DPP6: variants seen among roughly 807,000 people sequenced by gnomAD.
DPP6 encodes the protein A-type potassium channel modulatory protein DPP6.
Under a neutral mutation model 122.6 loss-of-function variants are expected in DPP6, and 69 were observed. That is an observed-to-expected ratio of 0.56 (90% CI 0.46 to 0.69). The LOEUF is 0.69. Ranked by LOEUF, DPP6 falls within the 30% of genes least tolerant of loss-of-function variation. The pLI, the probability that DPP6 is intolerant of heterozygous loss-of-function variation, is 0.00. For missense variants in DPP6, 928 were observed against 1,116.9 expected (o/e 0.83, Z 2.41); for synonymous variants, 418 against 433.1 (o/e 0.97, Z 0.43).
At chr7:154,577,954 A>G (rs1211459937) in intron 5 of DPP6, among the ~76,000 whole-genome samples, 1 of 152,180 alleles carries the variant, frequency 6.6e-6, no homozygotes, top group Non-Finnish European at 1.5e-5. Flanking sequence ...AACTACGACA[A>G]ACTGTACAGA....
chr7:154,129,361 A>G (rs1396616221), intron 1 of DPP6, among the ~76,000 whole-genome samples: 1 of 152,162 alleles, frequency 6.6e-6, no homozygotes, highest in African/African-American at 2.4e-5. Flanking sequence ...TTCATATCAA[A>G]ACTGTGGACC....
At chr7:154,783,001 C>G (rs1431814314) in intron 10 of DPP6, among the ~76,000 whole-genome samples, 1 of 152,088 alleles carries the variant, frequency 6.6e-6, no homozygotes, top group Non-Finnish European at 1.5e-5. Flanking sequence ...CCAGGCTGGT[C>G]TCGAACTCCC....
In DPP6 at chr7:154,060,351, G is replaced by T. The variant is rs1200556124; in HGVS notation, c.243+7288G>T. Among the ~76,000 whole-genome samples, 36 of 128,164 alleles carry T rather than the reference G, an allele frequency of 2.8e-4. 1 individual carries two copies. Among genetic ancestry groups the T allele is most frequent in the South Asian group, 1.5e-3 (6 of 3,974 alleles). The allele number at this position is 128,164 out of a possible 152,430, so 84.1% of individuals were successfully genotyped here. The stretch of plus-strand genomic sequence containing the variant: ...AGGAGGGGGAGGCACCCCCCGCGAG[G>T]CAGGGACTGAGAGCCAGCCCCTGGT... On this transcript the variant is annotated intron_variant, in intron 1 of 25. Transcript: ENST00000377770.
chr7:153,894,416 A>T (rs1177662046), intron 1 of DPP6, among the ~76,000 whole-genome samples: 1 of 152,282 alleles, frequency 6.6e-6, no homozygotes, highest in Admixed American at 6.5e-5. Flanking sequence ...CTAAGCTCAG[A>T]ACAGACAGGC....
intron 6 of DPP6, among the ~76,000 whole-genome samples, chr7:154,651,194 C>T (rs563852343): frequency 6.6e-6 from 1 of 152,032 alleles, no homozygotes; most frequent in Non-Finnish European, 1.5e-5. Flanking sequence ...TAGCACTGCA[C>T]TAGGTACTGT....
At chr7:154,060,064 C>A (rs1178620821) in intron 1 of DPP6, among the ~76,000 whole-genome samples, 2 of 150,424 alleles carry the variant, frequency 1.3e-5, no homozygotes, top group African/African-American at 2.4e-5. Context: ...CCCTCTTCCC[C>A]CCCTGGCTCT....
chr7:154,670,599 T>C (rs1057127351), intron 7 of DPP6, among the ~76,000 whole-genome samples: 4 of 152,234 alleles, frequency 2.6e-5, no homozygotes, highest in Admixed American at 2.0e-4. Flanking sequence ...TCCCTCAGGT[T>C]TGAAGGTCAG....
intron 5 of DPP6, among the ~76,000 whole-genome samples, chr7:154,589,240 C>G (rs1832661092): frequency 6.6e-6 from 1 of 152,104 alleles, no homozygotes; most frequent in Non-Finnish European, 1.5e-5. Context: ...CTTTGGTTCA[C>G]AGTAACAGAG....
At position 154,842,880 on chromosome 7, in the gene DPP6, G is replaced by A. The variant is rs1584869180; in HGVS notation, c.1667-10900G>A. Among the ~76,000 whole-genome samples the A allele has an allele frequency of 2.0e-5, 3 of 152,202 alleles. No homozygotes were observed. The East Asian group carries it at 5.8e-4, about 29-fold the overall frequency. On this transcript the variant is annotated intron_variant, in intron 16 of 25. Coordinates refer to ENST00000377770, the MANE Select transcript of DPP6 (RefSeq NM_130797.4). Reference sequence around the variant, plus strand: ...TGTATATTTCAGTTTGAACATCAGGGCTGTTGTTGCATGCTCCAAGGCTGC... The same window carrying A: ...TGTATATTTCAGTTTGAACATCAGGACTGTTGTTGCATGCTCCAAGGCTGC...
At chr7:154,443,235 T>A (rs934026140) in intron 1 of DPP6, among the ~76,000 whole-genome samples, 1 of 152,290 alleles carries the variant, frequency 6.6e-6, no homozygotes, top group Non-Finnish European at 1.5e-5. Flanking sequence ...TTGCTAGAGA[T>A]CTCTCTGATG....
rs559792643 is a variant in DPP6 at position 154,727,808 on chromosome 7, C to T, written c.804C>T (p.Val268=). 73 of 1,613,718 alleles carry T rather than the reference C, an allele frequency of 4.5e-5. No individual in the cohort carries two copies. Among genetic ancestry groups the T allele is most frequent in the African/African-American group, 2.9e-4 (22 of 74,990 alleles). Reference sequence around the variant, plus strand: ...ACAATATCTACTACTGTGCACATGTCGGGAAACAGGCCATCCGTGTGGTCT... The same window carrying T: ...ACAATATCTACTACTGTGCACATGTTGGGAAACAGGCCATCCGTGTGGTCT... The part of the protein sequence containing the change: ...FENNIYYCAH[V]GKQAIRVVST... The change falls in exon 8 of 26, where the codon GTC becomes GTT. Residue 268 remains valine, a synonymous_variant. Transcript: ENST00000377770.
At chr7:154,802,333 G>A (rs372674094) in intron 13 of DPP6, among the ~76,000 whole-genome samples, 1 of 151,040 alleles carries the variant, frequency 6.6e-6, no homozygotes, top group East Asian at 2.0e-4. Flanking sequence ...GAGCAGCTCT[G>A]ATGGAATCAG....
Position 154,618,503 on chromosome 7 carries a change from G to A in DPP6, c.628-19318G>A, listed in dbSNP as rs1262452738. On this transcript the variant is annotated intron_variant, in intron 5 of 25. Coordinates refer to ENST00000377770, the MANE Select transcript of DPP6 (RefSeq NM_130797.4). This position sits in a 1 kb window ranked among gnomAD's most constrained non-coding sequence, Gnocchi z 4.1. ...AAGATCAAAATCAGGGTGCAGGTAG[G>A]AGCCTTAGACAATTTCTAGTTTGAC... is the stretch of plus-strand genomic sequence containing the variant. 6.6e-6 allele frequency among the ~76,000 whole-genome samples: 1 copy of A among 152,108 alleles called. No individual in the cohort carries two copies. Among genetic ancestry groups the A allele is most frequent in the Non-Finnish European group, 1.5e-5 (1 of 68,022 alleles).
chr7:154,416,696 A>G (rs1002397683), intron 1 of DPP6, among the ~76,000 whole-genome samples: 7 of 32,184 alleles, frequency 2.2e-4, no homozygotes, highest in South Asian at 2.7e-3. Context: ...CAGGGGAGCA[A>G]TTGTAATTCT....
At chr7:153,840,320 A>C in the DPP6 span, among the ~76,000 whole-genome samples, 1 of 152,158 alleles carries the variant, frequency 6.6e-6, no homozygotes, top group African/African-American at 2.4e-5. Flanking sequence ...TTTTTATATA[A>C]TTTTAGGTTT....
At chr7:154,295,829 C>T (rs1337869537) in intron 1 of DPP6, among the ~76,000 whole-genome samples, 2 of 151,944 alleles carry the variant, frequency 1.3e-5, no homozygotes, top group African/African-American at 4.8e-5. Context: ...TGCGTATTTA[C>T]ATTTATATTT....
intron 17 of DPP6, among the ~76,000 whole-genome samples, chr7:154,862,043 T>TA (rs572834481): frequency 1.1e-4 from 17 of 152,306 alleles, no homozygotes; most frequent in African/African-American, 3.9e-4. Flanking sequence ...TCCATTTTGT[T>TA]AAAATCAAAG....
At chr7:154,086,205 G>A (rs1259128017) in intron 1 of DPP6, among the ~76,000 whole-genome samples, 1 of 151,884 alleles carries the variant, frequency 6.6e-6, no homozygotes, top group Non-Finnish European at 1.5e-5. Context: ...ATATGAGAAG[G>A]GCATAGCTCA....
At chr7:154,415,039 A>G (rs1371528977) in intron 1 of DPP6, among the ~76,000 whole-genome samples, 1 of 152,178 alleles carries the variant, frequency 6.6e-6, no homozygotes, top group Non-Finnish European at 1.5e-5. Context: ...GCCTTTGTCC[A>G]TACCAACAAA....
Sources: gnomAD v4.1 joint callset for allele counts (sites outside exome capture counted in the v4.1 genomes callset) on GRCh38, gnomAD v4.1.1 for gene constraint, Gnocchi (gnomAD v3.1) non-coding constraint, MANE v1.5 for transcripts, NCBI Gene and HGNC (gene_info 2026-07-23, HGNC 2026-07-21) for gene names.